The following MAP3K14 variants were observed in gnomAD, a reference collection of about 807,000 sequenced individuals.
MAP3K14 encodes the protein mitogen-activated protein kinase kinase kinase 14.
In MAP3K14, 16 loss-of-function variants were observed where a neutral mutation model predicts 99.2. The observed-to-expected ratio is 0.16, with a 90% CI of 0.11 to 0.24. The LOEUF (loss-of-function observed/expected upper bound fraction) is 0.24. Ranked by LOEUF, MAP3K14 falls within the 10% of genes least tolerant of loss-of-function variation. The probability of loss-of-function intolerance (pLI) is 1.00; values close to 1 mark genes in which losing one functional copy is unlikely to be tolerated. For missense variants in MAP3K14, 784 were observed against 1,208.7 expected, an observed-to-expected ratio of 0.65 and a Z score of 5.21; for synonymous variants, 462 against 492.4, an observed-to-expected ratio of 0.94 and a Z score of 0.82.
intron 6 of MAP3K14, among the ~76,000 whole-genome samples, chr17:45,281,051 T>C (rs16939948): frequency 0.038 from 5,843 of 152,218 alleles, 172 homozygotes; most frequent in East Asian, 0.11. Context: ...TGTCATATTA[T>C]TGCATGAAAA....
chr17:45,282,661 G>C (rs1198002706), intron 6 of MAP3K14, among the ~76,000 whole-genome samples: 2 of 152,150 alleles, frequency 1.3e-5, no homozygotes, highest in African/African-American at 4.8e-5. Context: ...TCTAGATCAG[G>C]AGGATGAAGG....
chr17:45,288,939 C>A (rs1428499138), intron 3 of MAP3K14, among the ~76,000 whole-genome samples: 1 of 152,172 alleles, frequency 6.6e-6, no homozygotes, highest in African/African-American at 2.4e-5. Flanking sequence ...GTTCCCAGCA[C>A]CCTCCCTGTT....
At chr17:45,270,603 C>T (rs370442889) in intron 10 of MAP3K14, 40 bp from the exon 11 acceptor site, 3 of 1,510,538 alleles carry the variant, frequency 2.0e-6, no homozygotes, top group Non-Finnish European at 2.6e-6. Flanking sequence ...TGCCTTCCCT[C>T]ATTTCCTGAT....
At chr17:45,295,967 C>T (rs562856152) in intron 1 of MAP3K14, among the ~76,000 whole-genome samples, 8 of 152,122 alleles carry the variant, frequency 5.3e-5, no homozygotes, top group African/African-American at 1.2e-4. Context: ...TCTCCATACA[C>T]GAAAGGGAAA....
chr17:45,313,507 C>T (rs947467091), intron 1 of MAP3K14, among the ~76,000 whole-genome samples: 5 of 152,184 alleles, frequency 3.3e-5, no homozygotes, highest in African/African-American at 9.7e-5. Flanking sequence ...TGCGGGCACA[C>T]AGGCAGGCCG....
intron 1 of MAP3K14, among the ~76,000 whole-genome samples, chr17:45,316,644 G>A (rs1035688434): frequency 2.0e-5 from 3 of 152,168 alleles, no homozygotes; most frequent in African/African-American, 7.2e-5. Flanking sequence ...GGGCGGGCCT[G>A]GCGGCGGCGC....
chr17:45,265,298 G>A (rs749629791), intron 14 of MAP3K14, 35 bp from the exon 15 acceptor site: 1 of 1,420,800 alleles, frequency 7.0e-7, no homozygotes, highest in South Asian at 1.1e-5. Flanking sequence ...CAGGAGAGCG[G>A]CTGCTGGCTC....
At chr17:45,277,400 A>G (rs1448695216) in intron 6 of MAP3K14, among the ~76,000 whole-genome samples, 1 of 152,174 alleles carries the variant, frequency 6.6e-6, no homozygotes, top group East Asian at 1.9e-4. Flanking sequence ...TAACAGAACC[A>G]GCTTGGAAGC....
intron 11 of MAP3K14, among the ~76,000 whole-genome samples, chr17:45,269,699 T>C (rs3178151): frequency 0.025 from 3,747 of 152,310 alleles, 156 homozygotes; most frequent in East Asian, 0.16. Flanking sequence ...TCAGAGAACT[T>C]CTGGTAGCTG....
Position 45,267,742 on chromosome 17 carries a change from G to C in MAP3K14, c.1990C>G (p.Pro664Ala). 2 of 1,611,260 alleles carry C rather than the reference G, an allele frequency of 1.2e-6. No individual in the cohort carries two copies. Among genetic ancestry groups the C allele is most frequent in the Non-Finnish European group, 1.7e-6 (2 of 1,179,686 alleles). Reference protein sequence around the residue: ...ALQQVGGLKSPWRGEYKEPRH... With the variant: ...ALQQVGGLKSAWRGEYKEPRH... The stretch of plus-strand genomic sequence containing the variant: ...GGTTCTTTATATTCTCCCCTCCAAG[G>C]GCTCTTCAGACCTCCCACTAGAAAA... The change falls in exon 12 of 16, where the codon CCT becomes GCT. Residue 664 changes from proline to alanine, a missense_variant. Physicochemically the swap from Pro to Ala is conservative, Grantham distance 27 (BLOSUM62 -1). Around this residue, in one of 5 missense-constraint regions of MAP3K14, gnomAD observed 128 missense variants for 143.3 expected, o/e 0.89. Coordinates refer to ENST00000344686, the MANE Select transcript of MAP3K14 (RefSeq NM_003954.5). This position sits in a 1 kb window ranked among gnomAD's most constrained non-coding sequence, Gnocchi z 5.1.
chr17:45,308,140 G>T (rs1297596401), intron 1 of MAP3K14, among the ~76,000 whole-genome samples: 1 of 152,252 alleles, frequency 6.6e-6, no homozygotes, highest in Non-Finnish European at 1.5e-5. Flanking sequence ...ACAGCCCACG[G>T]CTCTCTCGTC....
Position 45,310,071 on chromosome 17 carries a change from G to C in MAP3K14, c.-21+6889C>G, listed in dbSNP as rs182717592. On this transcript the variant is annotated intron_variant, in intron 1 of 15. Transcript: ENST00000344686. ...TTTTTTGAGACGGAGTTTCGCTCTT[G>C]TCGCCCAGGCTGGAGTGCAATGGTG... Among the ~76,000 whole-genome samples the C allele has an allele frequency of 7.2e-5, 8 of 111,436 alleles. No homozygotes were observed. In the Admixed American group the frequency reaches 7.6e-4, roughly 11 times the overall value. 73.1% of individuals were successfully genotyped at this position (111,436 alleles called of 152,430 possible). A position where few individuals can be genotyped will look rare whatever the true frequency, so the allele number is the denominator to read the frequency against.
intron 6 of MAP3K14, among the ~76,000 whole-genome samples, chr17:45,281,262 A>C (rs1006286025): frequency 6.6e-6 from 1 of 151,410 alleles, no homozygotes; most frequent in African/African-American, 2.4e-5. Context: ...ATGCCTGGCT[A>C]ATTTTTTTTC....
At chr17:45,264,892 A>G in intron 15 of MAP3K14, 92 bp from the exon 16 acceptor site, 3 of 1,362,202 alleles carry the variant, frequency 2.2e-6, no homozygotes, top group East Asian at 2.5e-5. Context: ...CCAGACCGGC[A>G]GCCCTAAGGG....
chr17:45,271,378 C>T (rs146804054), intron 9 of MAP3K14, among the ~76,000 whole-genome samples, 157 bp from the exon 10 acceptor site: 315 of 152,312 alleles, frequency 2.1e-3, no homozygotes, highest in African/African-American at 7.2e-3. Flanking sequence ...TGGAGTCTTG[C>T]TCTGTCACCC....
At chr17:45,311,067 A>G (rs534263394) in intron 1 of MAP3K14, among the ~76,000 whole-genome samples, 27 of 152,286 alleles carry the variant, frequency 1.8e-4, no homozygotes, top group African/African-American at 6.3e-4. Flanking sequence ...AGCAGAGTAC[A>G]GTGAAGAGTC....
chr17:45,276,345 A>G (rs1276426077), intron 6 of MAP3K14, among the ~76,000 whole-genome samples: 2 of 152,302 alleles, frequency 1.3e-5, no homozygotes, highest in African/African-American at 4.8e-5. Context: ...TCCCATCCAC[A>G]TATTTCCACA....
chr17:45,264,826 T>C, intron 15 of MAP3K14, 26 bp from the exon 16 acceptor site: 1 of 1,609,260 alleles, frequency 6.2e-7, no homozygotes, highest in African/African-American at 1.3e-5. Context: ...ACCAGTGGGC[T>C]GAGATCATGG....
chr17:45,273,123 T>C (rs1205252834), intron 9 of MAP3K14, among the ~76,000 whole-genome samples: 1 of 152,216 alleles, frequency 6.6e-6, no homozygotes, highest in Non-Finnish European at 1.5e-5. Context: ...TTGGTCAGCC[T>C]GCCCACTGTG....
Sources: allele counts gnomAD v4.1 joint callset (sites outside exome capture counted in the v4.1 genomes callset), GRCh38; gene constraint gnomAD v4.1.1; regional missense constraint gnomAD v4.1.1; non-coding constraint Gnocchi (gnomAD v3.1); transcripts MANE v1.5; gene names NCBI Gene and HGNC (gene_info 2026-07-23, HGNC 2026-07-21).